P3H2: variants seen among roughly 807,000 people sequenced by gnomAD.
P3H2 encodes prolyl 3-hydroxylase 2, also known as leprecan-like 1.
P3H2 carries 80 observed loss-of-function variants against 87.0 expected under a neutral mutation model. The observed-to-expected ratio is 0.92, with a 90% CI of 0.77 to 1.11. The LOEUF (loss-of-function observed/expected upper bound fraction) is 1.11. P3H2 is among the 50% of genes least tolerant of loss of function. The pLI is 0.00. For missense variants in P3H2, 1,001 were observed against 923.9 expected (o/e 1.08, Z -1.08); for synonymous variants, 367 against 359.3 (o/e 1.02, Z -0.24).
At chr3:189,995,668 C>G (rs1021615056) in intron 1 of P3H2, among the ~76,000 whole-genome samples, 5 of 150,678 alleles carry the variant, frequency 3.3e-5, no homozygotes, top group Admixed American at 1.3e-4. Flanking sequence ...ATACAACCTA[C>G]AGAATGCAAG....
At chr3:190,052,458 T>C (rs1282124204) in intron 1 of P3H2, among the ~76,000 whole-genome samples, 1 of 152,214 alleles carries the variant, frequency 6.6e-6, no homozygotes, top group Non-Finnish European at 1.5e-5. Context: ...AACAAACTTC[T>C]TTTAAAATAT....
Position 190,110,372 on chromosome 3 carries a change from A to T in P3H2, c.480+9880T>A, listed in dbSNP as rs569093216. Among the ~76,000 whole-genome samples, 3 of 152,314 alleles carry T rather than the reference A, an allele frequency of 2.0e-5. No individual in the cohort carries two copies. The South Asian group carries it at 6.2e-4, about 32-fold the overall frequency. On this transcript the variant is annotated intron_variant, in intron 1 of 14. Transcript: ENST00000319332. ...GCCACAACAAAGAATTATTCATCCC[A>T]GAATATCAATCAGCCAAGGCTGAGA...
chr3:189,991,898 C>T (rs922891343), intron 3 of P3H2, among the ~76,000 whole-genome samples: 8 of 152,078 alleles, frequency 5.3e-5, no homozygotes, highest in Admixed American at 3.9e-4. Context: ...TGAAGAGCAA[C>T]AAGGAGGCAA....
intron 5 of P3H2, among the ~76,000 whole-genome samples, chr3:189,987,212 C>T (rs917233324): frequency 4.6e-5 from 7 of 152,112 alleles, no homozygotes; most frequent in African/African-American, 1.2e-4. Flanking sequence ...CGGTGGCTCA[C>T]GCCTGTAATC....
chr3:190,119,506 C>A (rs79583415), intron 1 of P3H2, among the ~76,000 whole-genome samples: 2 of 152,088 alleles, frequency 1.3e-5, no homozygotes, highest in Non-Finnish European at 2.9e-5. Flanking sequence ...TACCTCCTGA[C>A]GCTAACTTTA....
chr3:190,063,317 C>T (rs1392601030), intron 1 of P3H2, among the ~76,000 whole-genome samples: 1 of 152,194 alleles, frequency 6.6e-6, no homozygotes, highest in Non-Finnish European at 1.5e-5. Flanking sequence ...CATGCCTGAG[C>T]ACAGCATCCT....
intron 1 of P3H2, among the ~76,000 whole-genome samples, chr3:190,022,830 A>G (rs924645922): frequency 6.6e-6 from 1 of 151,788 alleles, no homozygotes; most frequent in African/African-American, 2.4e-5. Context: ...ATATATATAT[A>G]TATTTCTTTT....
At chr3:189,971,791 T>C in intron 12 of P3H2, 99 bp downstream of exon 12, 3 of 784,770 alleles carry the variant, frequency 3.8e-6, no homozygotes, top group South Asian at 2.8e-5. Context: ...GCCTTGGAGA[T>C]ATGAACACGA....
At chr3:190,002,695 G>A (rs867429060) in intron 1 of P3H2, among the ~76,000 whole-genome samples, 1 of 152,080 alleles carries the variant, frequency 6.6e-6, no homozygotes, top group East Asian at 1.9e-4. Flanking sequence ...CACCGTGCCC[G>A]GCATTATGTT....
At chr3:190,101,169 C>A (rs1374004041) in intron 1 of P3H2, among the ~76,000 whole-genome samples, 1 of 151,938 alleles carries the variant, frequency 6.6e-6, no homozygotes, top group Non-Finnish European at 1.5e-5. Context: ...TCAGGCCTCC[C>A]TGTCCCCTGA....
At chr3:190,088,892 C>A (rs542050808) in intron 1 of P3H2, among the ~76,000 whole-genome samples, 2 of 152,138 alleles carry the variant, frequency 1.3e-5, no homozygotes, top group Non-Finnish European at 2.9e-5. Flanking sequence ...TGGAATATAG[C>A]GTGTTCGACC....
chr3:190,099,220 C>A (rs1222145092), intron 1 of P3H2, among the ~76,000 whole-genome samples: 3 of 152,004 alleles, frequency 2.0e-5, no homozygotes, highest in African/African-American at 4.8e-5. Flanking sequence ...TCAACATGAA[C>A]AACAAATTAT....
intron 1 of P3H2, among the ~76,000 whole-genome samples, chr3:190,003,511 ACTAT>A (rs1724283338): frequency 2.0e-5 from 3 of 147,192 alleles, no homozygotes; most frequent in South Asian, 2.2e-4. Context: ...AAAAAAAAAA[ACTAT>A]CTAAGTATTA....
At chr3:190,003,510 A>T (rs1347918843) in intron 1 of P3H2, among the ~76,000 whole-genome samples, 1 of 149,446 alleles carries the variant, frequency 6.7e-6, no homozygotes, top group Non-Finnish European at 1.5e-5. Context: ...AAAAAAAAAA[A>T]ACTATCTAAG....
At chr3:190,071,544 C>G (rs562694533) in intron 1 of P3H2, among the ~76,000 whole-genome samples, 1 of 152,258 alleles carries the variant, frequency 6.6e-6, no homozygotes, top group Admixed American at 6.5e-5. Flanking sequence ...CCAAATCATT[C>G]CAATGAAGAA....
chr3:190,063,575 A>G, intron 1 of P3H2, among the ~76,000 whole-genome samples: 1 of 152,138 alleles, frequency 6.6e-6, no homozygotes, highest in East Asian at 1.9e-4. Context: ...GTGTTACTAA[A>G]TACCAGGTGT....
chr3:190,092,434 C>T (rs530293094), intron 1 of P3H2, among the ~76,000 whole-genome samples: 2 of 152,334 alleles, frequency 1.3e-5, no homozygotes, highest in South Asian at 2.1e-4. Flanking sequence ...AAGACAGTTG[C>T]TTAGCAAAAT....
chr3:190,041,132 C>G (rs1725618481), intron 1 of P3H2, among the ~76,000 whole-genome samples: 1 of 129,830 alleles, frequency 7.7e-6, no homozygotes, highest in Non-Finnish European at 1.6e-5. Context: ...ATAAGCTGGG[C>G]ATGGTGGTGC....
intron 1 of P3H2, among the ~76,000 whole-genome samples, chr3:190,058,581 A>C (rs1404123189): frequency 2.0e-5 from 3 of 152,142 alleles, no homozygotes; most frequent in Non-Finnish European, 4.4e-5. Flanking sequence ...GAAATGTTAC[A>C]TCAACTTAAA....
Sources: allele counts gnomAD v4.1 joint callset (sites outside exome capture counted in the v4.1 genomes callset), GRCh38; gene constraint gnomAD v4.1.1; transcripts MANE v1.5; gene names NCBI Gene and HGNC (gene_info 2026-07-23, HGNC 2026-07-21).